PFKFB4: variants seen among roughly 807,000 people sequenced by gnomAD.
PFKFB4 encodes the protein 6-phosphofructo-2-kinase/fructose-2,6-bisphosphatase 4.
Under a neutral mutation model 62.8 loss-of-function variants are expected in PFKFB4, and 42 were observed. That is an observed-to-expected ratio of 0.67 (90% CI 0.52 to 0.86). The LOEUF is 0.86. Among genes scored for constraint, PFKFB4 ranks in the 40% least tolerant of loss-of-function variants. The probability of loss-of-function intolerance (pLI) is 0.00; values close to 1 mark genes in which losing one functional copy is unlikely to be tolerated. For missense variants in PFKFB4, 475 were observed against 627.2 expected (o/e 0.76, Z 2.59); for synonymous variants, 204 against 240.7 (o/e 0.85, Z 1.41).
At chr3:48,562,136 GC>G (rs1560187786), upstream of PFKFB4, 2 of 152,660 alleles carry the variant, frequency 1.3e-5, no homozygotes, top group Admixed American at 1.3e-4. This position sits in a 1 kb window ranked among gnomAD's most constrained non-coding sequence, Gnocchi z 4.3. Flanking sequence ...GCACATATGC[GC>G]CCATAAGACA....
At chr3:48,539,511 T>G (rs1323423531) in intron 5 of PFKFB4, 186 bp downstream of exon 5, 1 of 691,744 alleles carries the variant, frequency 1.4e-6, no homozygotes, top group African/African-American at 1.8e-5. Flanking sequence ...TCCTAGACTC[T>G]CCCACGAAAA....
At position 48,523,839 on chromosome 3, in the gene PFKFB4, G is replaced by T; in HGVS notation, c.1093-9C>A. ...ACCAGGTCCTCGTAGGACTGCAAGG[G>T]CAAGCAGAGAGGGGTCCCTCAGGCC... On this transcript the variant is annotated splice_polypyrimidine_tract_variant and intron_variant, in intron 10 of 13. Coordinates refer to ENST00000232375, the MANE Select transcript of PFKFB4 (RefSeq NM_004567.4). 1 of 1,612,666 alleles carries T rather than the reference G, an allele frequency of 6.2e-7. No homozygotes were observed. The highest frequency in any genetic ancestry group is 2.2e-5 in the East Asian group (1 of 44,872).
chr3:48,525,820 C>T (rs2042239878), intron 9 of PFKFB4, 151 bp from the exon 10 acceptor site: 1 of 458,580 alleles, frequency 2.2e-6, no homozygotes, highest in East Asian at 3.6e-5. Context: ...GAGGGGAGGA[C>T]CTCTAGGAAC....
At chr3:48,542,529 G>C (rs148133238) in intron 4 of PFKFB4, among the ~76,000 whole-genome samples, 125 of 152,030 alleles carry the variant, frequency 8.2e-4, no homozygotes, top group African/African-American at 2.9e-3. Flanking sequence ...CCCTGACCTG[G>C]AGAACAAGAG....
intron 9 of PFKFB4, among the ~76,000 whole-genome samples, chr3:48,530,994 A>C (rs2042409531): frequency 6.6e-6 from 1 of 152,200 alleles, no homozygotes; most frequent in African/African-American, 2.4e-5. Flanking sequence ...GGCATGAGCC[A>C]CTGCGCCTGG....
chr3:48,539,467 CA>C, intron 5 of PFKFB4, 157 bp from the exon 6 acceptor site: 1 of 742,346 alleles, frequency 1.3e-6, no homozygotes, highest in Middle Eastern at 3.7e-4. Context: ...GAGGCGGGGT[CA>C]AGGAGTCCAG....
chr3:48,526,326 A>C (rs1409932659), intron 9 of PFKFB4, among the ~76,000 whole-genome samples: 1 of 152,166 alleles, frequency 6.6e-6, no homozygotes, highest in Non-Finnish European at 1.5e-5. Context: ...TAATCCCAGC[A>C]CTTTGGGAGG....
chr3:48,560,539 G>A (rs1294062544), upstream of PFKFB4, among the ~76,000 whole-genome samples: 1 of 152,214 alleles, frequency 6.6e-6, no homozygotes, highest in Non-Finnish European at 1.5e-5. Context: ...AGGGATTCAG[G>A]ACCAGCAAGG....
At chr3:48,533,097 G>A (rs959477846) in intron 9 of PFKFB4, among the ~76,000 whole-genome samples, 1 of 151,994 alleles carries the variant, frequency 6.6e-6, no homozygotes, top group Non-Finnish European at 1.5e-5. Context: ...GGAGTGCAAG[G>A]GCCAATCGTG....
chr3:48,557,205 C>T (rs2043351295), upstream of PFKFB4, among the ~76,000 whole-genome samples: 1 of 152,242 alleles, frequency 6.6e-6, no homozygotes, highest in Non-Finnish European at 1.5e-5. Flanking sequence ...CAGCGGCACG[C>T]GTGAATTCTG....
In PFKFB4 at chr3:48,518,860, G is replaced by C. The variant is rs943457783; in HGVS notation, c.*887C>G. 6.6e-6 allele frequency: 1 copy of C among 152,242 alleles called. No homozygotes were observed. Among genetic ancestry groups the C allele is most frequent in the Non-Finnish European group, 1.5e-5 (1 of 68,044 alleles). 9.4% of individuals were successfully genotyped at this position (152,242 alleles called of 1,614,324 possible). ...GAGGCCGCCTCCCCATTGGCTGCCA[G>C]TGTCCACAGCCAGGGAAGGGGAGAG... On this transcript the variant is annotated 3_prime_UTR_variant, in exon 14 of 14. Transcript: ENST00000232375.
At chr3:48,539,808 T>C (rs2042746008) in intron 4 of PFKFB4, 37 bp from the exon 5 acceptor site, 3 of 1,569,194 alleles carry the variant, frequency 1.9e-6, no homozygotes, top group Non-Finnish European at 1.8e-6. Context: ...CCTCTGGCCC[T>C]GGGGAAGGAA....
intron 9 of PFKFB4, among the ~76,000 whole-genome samples, chr3:48,527,850 G>A (rs1319437310): frequency 6.6e-6 from 1 of 151,888 alleles, no homozygotes; most frequent in Non-Finnish European, 1.5e-5. Flanking sequence ...ACCATGGCTG[G>A]CTAATTTTTT....
intron 3 of PFKFB4, among the ~76,000 whole-genome samples, chr3:48,548,891 A>C (rs2043043298): frequency 6.6e-6 from 1 of 152,180 alleles, no homozygotes; most frequent in African/African-American, 2.4e-5. Context: ...CTGAAGGTCC[A>C]AGCCCCACAG....
intron 5 of PFKFB4, 156 bp downstream of exon 5, chr3:48,539,541 C>A: frequency 2.7e-6 from 2 of 748,580 alleles, no homozygotes; most frequent in South Asian, 1.7e-5. Context: ...CTCTGGAAAG[C>A]AAACCCCAAG....
chr3:48,527,082 C>T (rs1269566683), intron 9 of PFKFB4, among the ~76,000 whole-genome samples: 1 of 152,008 alleles, frequency 6.6e-6, no homozygotes, highest in East Asian at 1.9e-4. Context: ...CCAGCAACAA[C>T]TGGAAACTAG....
Position 48,519,925 on chromosome 3 carries a change from C to T in PFKFB4, c.1351-119G>A, listed in dbSNP as rs553381296. On this transcript the variant is annotated intron_variant, in intron 13 of 13. Transcript: ENST00000232375. ...CACATTCTCACTGTAGCAGCCACAG[C>T]CGCAAGACTCTAGACCACAAGCTTC... is the stretch of plus-strand genomic sequence containing the variant. The T allele has an allele frequency of 2.4e-5, 18 of 754,592 alleles. No individual in the cohort carries two copies. The South Asian group carries it at 2.8e-4, about 12-fold the overall frequency. 46.7% of individuals were successfully genotyped at this position (754,592 alleles called of 1,614,324 possible).
At chr3:48,560,944 C>T (rs1274113440), upstream of PFKFB4, 4 of 404,196 alleles carry the variant, frequency 9.9e-6, no homozygotes, top group African/African-American at 6.6e-5. Context: ...CAGAGCACCC[C>T]TAAACCAGGA....
intron 4 of PFKFB4, 72 bp downstream of exon 4, chr3:48,543,508 G>T: frequency 7.2e-7 from 1 of 1,398,172 alleles, no homozygotes; most frequent in Non-Finnish European, 1.0e-6. Flanking sequence ...CCAGATGCCT[G>T]ACGAGCAAAG....
Sources: allele counts gnomAD v4.1 joint callset (sites outside exome capture counted in the v4.1 genomes callset), GRCh38; gene constraint gnomAD v4.1.1; non-coding constraint Gnocchi (gnomAD v3.1); transcripts MANE v1.5; gene names NCBI Gene and HGNC (gene_info 2026-07-23, HGNC 2026-07-21).